NOSIP: variants seen among roughly 807,000 people sequenced by gnomAD.
NOSIP encodes nitric oxide synthase-interacting protein.
In NOSIP, 25 loss-of-function variants were observed where a neutral mutation model predicts 36.4. The ratio of observed to expected loss-of-function variants is 0.69; its 90% confidence interval spans 0.50 to 0.96. The LOEUF is 0.96. Ranked by LOEUF, NOSIP falls within the 40% of genes least tolerant of loss-of-function variation. NOSIP has a pLI of 0.00. For missense variants in NOSIP, 370 were observed against 429.0 expected (o/e 0.86, Z 1.21); for synonymous variants, 187 against 179.2 (o/e 1.04, Z -0.35).
chr19:49,562,313 G>A (rs949439989), intron 1 of NOSIP, among the ~76,000 whole-genome samples: 10 of 151,990 alleles, frequency 6.6e-5, no homozygotes, highest in Non-Finnish European at 1.3e-4. Flanking sequence ...TAGTAGAGAC[G>A]GGGTTTCACC....
intron 1 of NOSIP, among the ~76,000 whole-genome samples, chr19:49,564,689 T>A (rs769055597): frequency 2.6e-5 from 4 of 152,026 alleles, no homozygotes; most frequent in African/African-American, 4.8e-5. Flanking sequence ...CTCCCACGTA[T>A]ACACCTAACA....
chr19:49,557,949 C>T (rs947130331), intron 4 of NOSIP: 1 of 986,874 alleles, frequency 1.0e-6, no homozygotes, highest in Middle Eastern at 3.3e-4. Context: ...GAGCCACCTG[C>T]TTGGGACAAA....
intron 1 of NOSIP, among the ~76,000 whole-genome samples, chr19:49,577,635 C>T (rs892682676): frequency 1.3e-5 from 2 of 151,670 alleles, no homozygotes; most frequent in Admixed American, 6.6e-5. Flanking sequence ...GCCGATGGCT[C>T]ACACCTGTAA....
chr19:49,562,586 CAAA>C (rs2080349934), intron 1 of NOSIP, among the ~76,000 whole-genome samples: 1 of 152,062 alleles, frequency 6.6e-6, no homozygotes, highest in African/African-American at 2.4e-5. Flanking sequence ...AATTTAAAAA[CAAA>C]GAAGTTGATG....
At position 49,560,477 on chromosome 19, in the gene NOSIP, G is replaced by C. The variant is rs2080317756; in HGVS notation, c.70+145C>G. On this transcript the variant is annotated intron_variant, in intron 2 of 8. Coordinates refer to ENST00000596358, the MANE Select transcript of NOSIP (RefSeq NM_001270960.2). The surrounding 1 kb of genome is among the most constrained non-coding windows in gnomAD (Gnocchi z 4.6). ...CCACATGGGGTCATGGGATCACCCA[G>C]CTGTTGTTTACATGGTCATGGCCAT... The C allele has an allele frequency of 1.7e-5, 11 of 661,468 alleles. No homozygotes were observed. Among genetic ancestry groups the C allele is most frequent in the Non-Finnish European group, 2.5e-5 (9 of 366,646 alleles). The allele number at this position is 661,468 out of a possible 1,614,324, so 41.0% of individuals were successfully genotyped here. A position where few individuals can be genotyped will look rare whatever the true frequency, so the allele number is the denominator to read the frequency against.
chr19:49,561,533 C>G (rs1345664218), intron 1 of NOSIP, among the ~76,000 whole-genome samples: 1 of 152,102 alleles, frequency 6.6e-6, no homozygotes, highest in Non-Finnish European at 1.5e-5. Context: ...CAACCCCCAC[C>G]CTTTTAAATG....
chr19:49,565,056 G>C (rs1251084265), intron 1 of NOSIP, among the ~76,000 whole-genome samples: 1 of 152,122 alleles, frequency 6.6e-6, no homozygotes, highest in African/African-American at 2.4e-5. Context: ...CAGGAGGATT[G>C]TTTGAGCCCA....
At chr19:49,568,795 A>AATTTT (rs2080443811) in intron 1 of NOSIP, among the ~76,000 whole-genome samples, 2 of 123,332 alleles carry the variant, frequency 1.6e-5, no homozygotes, top group African/African-American at 7.4e-5. Context: ...AAAAAAAAAA[A>AATTTT]TAGTTTGTTT....
chr19:49,561,943 T>C (rs111412602), intron 1 of NOSIP, among the ~76,000 whole-genome samples: 3,592 of 152,220 alleles, frequency 0.024, 61 homozygotes, highest in Non-Finnish European at 0.036. Context: ...TTCCTATGTT[T>C]TCTTCTAGGG....
At position 49,557,253 on chromosome 19, in the gene NOSIP, C is replaced by A. The variant is rs138047585; in HGVS notation, c.259-4G>T. The A allele has an allele frequency of 1.2e-4, 185 of 1,576,548 alleles. No homozygotes were observed. The African/African-American group carries it at 2.2e-3, about 19-fold the overall frequency. On this transcript the variant is annotated splice_polypyrimidine_tract_variant and splice_region_variant and intron_variant, in intron 4 of 8. Transcript: ENST00000596358. ...TGCCCCGCTGCTTCTCGTAGGCCTG[C>A]GTCGGGGAAAGTGGGCTGAGCATCT...
intron 1 of NOSIP, among the ~76,000 whole-genome samples, chr19:49,563,368 G>T (rs2080360891): frequency 1.3e-5 from 2 of 151,964 alleles, no homozygotes; most frequent in South Asian, 2.1e-4. Flanking sequence ...TAGAGATGGG[G>T]TTTTGCCATG....
chr19:49,555,663 C>T lies in NOSIP; in HGVS notation c.*88G>A. 1 of 1,117,536 alleles carries T rather than the reference C, an allele frequency of 8.9e-7. No individual in the cohort carries two copies. The allele number at this position is 1,117,536 out of a possible 1,614,324, so 69.2% of individuals were successfully genotyped here. A position where few individuals can be genotyped will look rare whatever the true frequency, so the allele number is the denominator to read the frequency against. On this transcript the variant is annotated 3_prime_UTR_variant, in exon 9 of 9. Coordinates refer to ENST00000596358, the MANE Select transcript of NOSIP (RefSeq NM_001270960.2). ...TGTTTGCACGGCCCTGCATCCTCGC[C>T]TGCCCTGTCCCCGGGGCGCCCACGC...
intron 4 of NOSIP, chr19:49,557,558 T>C (rs1599744686): frequency 8.1e-7 from 1 of 1,237,616 alleles, no homozygotes; most frequent in Non-Finnish European, 1.0e-6. Context: ...CACTGAAGGG[T>C]TACATAAGGT....
At chr19:49,567,056 T>C (rs1464515005) in intron 1 of NOSIP, among the ~76,000 whole-genome samples, 1 of 151,350 alleles carries the variant, frequency 6.6e-6, no homozygotes, top group East Asian at 2.0e-4. Context: ...CCTCAGGTGG[T>C]CCACCTGCCT....
At chr19:49,571,330 C>T (rs2080481488) in intron 1 of NOSIP, among the ~76,000 whole-genome samples, 1 of 151,928 alleles carries the variant, frequency 6.6e-6, no homozygotes, top group Non-Finnish European at 1.5e-5. Context: ...GATCCTGAGA[C>T]CAGAAAGCGT....
chr19:49,559,785 T>C, intron 3 of NOSIP, 149 bp downstream of exon 3: 1 of 675,172 alleles, frequency 1.5e-6, no homozygotes. Flanking sequence ...CATGCCCATG[T>C]CCCATGTGAG....
intron 1 of NOSIP, among the ~76,000 whole-genome samples, chr19:49,562,220 A>G (rs1166801056): frequency 6.6e-6 from 1 of 152,096 alleles, no homozygotes; most frequent in African/African-American, 2.4e-5. Flanking sequence ...CTCCCAAGTT[A>G]AAGCGATTCT....
chr19:49,559,893 C>T lies in NOSIP; in HGVS notation c.176+41G>A, dbSNP rs1304933087. The stretch of plus-strand genomic sequence containing the variant: ...CAGCCTCCTCCTGGCGGTTCCCTTG[C>T]TCTCCCCACCCAGACCTACCCATCC... On this transcript the variant is annotated intron_variant, in intron 3 of 8. Coordinates refer to ENST00000596358, the MANE Select transcript of NOSIP (RefSeq NM_001270960.2). 8 of 1,488,176 alleles carry T rather than the reference C, an allele frequency of 5.4e-6. No individual in the cohort carries two copies. In the East Asian group the frequency reaches 1.4e-4, roughly 26 times the overall value. The allele number at this position is 1,488,176 out of a possible 1,614,324, so 92.2% of individuals were successfully genotyped here. A position where few individuals can be genotyped will look rare whatever the true frequency, so the allele number is the denominator to read the frequency against.
At chr19:49,563,417 C>T (rs1335160020) in intron 1 of NOSIP, among the ~76,000 whole-genome samples, 3 of 152,104 alleles carry the variant, frequency 2.0e-5, no homozygotes, top group African/African-American at 7.2e-5. Context: ...CTCAAGTGAA[C>T]TCCTGGCCTC....
Sources: allele counts gnomAD v4.1 joint callset (sites outside exome capture counted in the v4.1 genomes callset), GRCh38; gene constraint gnomAD v4.1.1; non-coding constraint Gnocchi (gnomAD v3.1); transcripts MANE v1.5; gene names NCBI Gene and HGNC (gene_info 2026-07-23, HGNC 2026-07-21).